Variants in NTN1 observed in about 807,000 individuals in gnomAD.
NTN1 encodes netrin-1.
NTN1 carries 11 observed loss-of-function variants against 54.2 expected under a neutral mutation model. The observed-to-expected ratio is 0.20, with a 90% CI of 0.13 to 0.34. NTN1 has a LOEUF of 0.34. NTN1 is among the 10% of genes least tolerant of loss of function. The pLI is 1.00. For synonymous variants in NTN1, 371 were observed against 382.0 expected, an observed-to-expected ratio of 0.97 and a Z score of 0.33; for missense variants, 740 against 893.1, an observed-to-expected ratio of 0.83 and a Z score of 2.18.
rs1906093733 is a variant in NTN1, at chr17:9,239,056, T to G, written c.1487-584T>G. Among the ~76,000 whole-genome samples, 1 of 152,186 alleles carries G rather than the reference T, an allele frequency of 6.6e-6. No homozygotes were observed. Among genetic ancestry groups the G allele is most frequent in the South Asian group, 2.1e-4 (1 of 4,830 alleles). ...AGGGAGGCCACCTGGTAGGGATGGC[T>G]TAGGCGTGGGAAGCGGCAGTCCAAG... On this transcript the variant is annotated intron_variant, in intron 6 of 6. Transcript: ENST00000173229. This position sits in a 1 kb window ranked among gnomAD's most constrained non-coding sequence, Gnocchi z 5.2.
chr17:9,009,100 A>C, the NTN1 span, among the ~76,000 whole-genome samples: 1 of 152,242 alleles, frequency 6.6e-6, no homozygotes, highest in Non-Finnish European at 1.5e-5. Flanking sequence ...GGACTTTTGC[A>C]CATGCCATTC....
At chr17:9,083,080 G>A (rs72809988) in intron 2 of NTN1, among the ~76,000 whole-genome samples, 13,601 of 151,858 alleles carry the variant, frequency 0.09, 706 homozygotes, top group Non-Finnish European at 0.11. Flanking sequence ...TTGGCCTTGG[G>A]GGGATTGTCC....
At chr17:9,053,888 G>A (rs2091968954) in intron 2 of NTN1, among the ~76,000 whole-genome samples, 1 of 152,192 alleles carries the variant, frequency 6.6e-6, no homozygotes, top group African/African-American at 2.4e-5. Context: ...CCCTTAAGCA[G>A]GGCTCATGAA....
At chr17:9,232,151 G>C (rs1292197477) in intron 6 of NTN1, among the ~76,000 whole-genome samples, 11 of 152,182 alleles carry the variant, frequency 7.2e-5, no homozygotes, top group African/African-American at 2.7e-4. Flanking sequence ...TAAAGGGTCG[G>C]GGGGACAAGT....
chr17:9,175,143 T>C (rs2092396669), intron 3 of NTN1: 1 of 152,214 alleles, frequency 6.6e-6, no homozygotes, highest in Admixed American at 6.5e-5. Context: ...CTCAGGAGTG[T>C]GTCTCCTCCC....
intron 6 of NTN1, among the ~76,000 whole-genome samples, chr17:9,225,629 G>C (rs1361058004): frequency 6.6e-6 from 1 of 152,142 alleles, no homozygotes; most frequent in Non-Finnish European, 1.5e-5. Flanking sequence ...ACAGACTTGG[G>C]CCAGCCCAGG....
chr17:9,119,388 A>G (rs927520160), intron 2 of NTN1, among the ~76,000 whole-genome samples: 4 of 152,074 alleles, frequency 2.6e-5, no homozygotes, highest in Non-Finnish European at 2.9e-5. Flanking sequence ...GAGTTTCACC[A>G]TGTTGGCCAG....
upstream of NTN1, among the ~76,000 whole-genome samples, chr17:9,020,268 C>T (rs1365150279): frequency 6.6e-6 from 1 of 152,256 alleles, no homozygotes; most frequent in East Asian, 1.9e-4. Flanking sequence ...TACTGGACCA[C>T]ACATCTACAA....
At chr17:9,113,980 T>C (rs2092200842) in intron 2 of NTN1, among the ~76,000 whole-genome samples, 1 of 150,982 alleles carries the variant, frequency 6.6e-6, no homozygotes, top group African/African-American at 2.4e-5. Context: ...CTGGCCAACA[T>C]AGTGAAACCC....
chr17:9,084,912 A>G (rs2092085496), intron 2 of NTN1, among the ~76,000 whole-genome samples: 1 of 151,890 alleles, frequency 6.6e-6, no homozygotes, highest in Non-Finnish European at 1.5e-5. Context: ...CGGCCTCCCA[A>G]AGTGCTGGAT....
At chr17:9,107,836 A>G (rs1179485617) in intron 2 of NTN1, among the ~76,000 whole-genome samples, 1 of 152,236 alleles carries the variant, frequency 6.6e-6, no homozygotes, top group Non-Finnish European at 1.5e-5. Context: ...AATATTTACT[A>G]TCTGGTCCTT....
At chr17:9,105,292 C>T (rs1490185966) in intron 2 of NTN1, among the ~76,000 whole-genome samples, 1 of 152,166 alleles carries the variant, frequency 6.6e-6, no homozygotes, top group Non-Finnish European at 1.5e-5. Flanking sequence ...GCTTTTCTTC[C>T]CTTTGCATTG....
intron 2 of NTN1, among the ~76,000 whole-genome samples, chr17:9,081,965 T>C (rs2092072584): frequency 6.6e-6 from 1 of 152,248 alleles, no homozygotes. Context: ...GTGTTGTCTC[T>C]TGCACAAACC....
At chr17:9,218,654 G>A (rs568139592) in intron 5 of NTN1, among the ~76,000 whole-genome samples, 3 of 151,518 alleles carry the variant, frequency 2.0e-5, no homozygotes, top group Non-Finnish European at 4.4e-5. Flanking sequence ...CCCCACCCCC[G>A]GGGTGGGGCT....
At chr17:9,183,497 C>G (rs1470941277) in intron 5 of NTN1, 1 of 366,622 alleles carries the variant, frequency 2.7e-6, no homozygotes, top group Non-Finnish European at 5.6e-6. Flanking sequence ...GCGGCCAAGC[C>G]TGCACCGTGG....
At chr17:9,154,468 T>C (rs2092336043) in intron 2 of NTN1, among the ~76,000 whole-genome samples, 1 of 152,254 alleles carries the variant, frequency 6.6e-6, no homozygotes, top group Admixed American at 6.5e-5. Context: ...AGCTCACCTG[T>C]AGACACAAAA....
At chr17:9,143,540 T>C (rs1031096415) in intron 2 of NTN1, among the ~76,000 whole-genome samples, 2 of 152,170 alleles carry the variant, frequency 1.3e-5, no homozygotes, top group African/African-American at 4.8e-5. Context: ...TGTGGCTCTC[T>C]CTCCTGAATT....
chr17:9,154,971 C>G (rs1224884296), intron 2 of NTN1, among the ~76,000 whole-genome samples: 1 of 152,126 alleles, frequency 6.6e-6, no homozygotes, highest in Non-Finnish European at 1.5e-5. Flanking sequence ...AGTTCCATCC[C>G]TCCCCATCAG....
chr17:9,081,699 T>G (rs1298483273), intron 2 of NTN1, among the ~76,000 whole-genome samples: 1 of 152,128 alleles, frequency 6.6e-6, no homozygotes, highest in African/African-American at 2.4e-5. Flanking sequence ...GAAGAGGAGA[T>G]TGATGACAGT....
Sources: allele counts gnomAD v4.1 joint callset (sites outside exome capture counted in the v4.1 genomes callset), GRCh38; gene constraint gnomAD v4.1.1; non-coding constraint Gnocchi (gnomAD v3.1); transcripts MANE v1.5; gene names NCBI Gene and HGNC (gene_info 2026-07-23, HGNC 2026-07-21).